STIM2: variants seen among roughly 807,000 people sequenced by gnomAD.
STIM2 encodes stromal interaction molecule 2.
A neutral mutation model predicts 85.8 loss-of-function variants in STIM2; 31 were observed. That is an observed-to-expected ratio of 0.36 (90% CI 0.27 to 0.49). The LOEUF is 0.49. Ranked by LOEUF, STIM2 falls within the 20% of genes least tolerant of loss-of-function variation. The pLI, the probability that STIM2 is intolerant of heterozygous loss-of-function variation, is 0.98. For synonymous variants in STIM2, 356 were observed against 331.1 expected (o/e 1.08, Z -0.82); for missense variants, 841 against 927.6 (o/e 0.91, Z 1.21).
intron 3 of STIM2, among the ~76,000 whole-genome samples, chr4:26,993,623 C>T (rs557157459): frequency 1.3e-5 from 2 of 152,204 alleles, no homozygotes; most frequent in Non-Finnish European, 2.9e-5. Context: ...CCCTTGATCT[C>T]TTCTGTAGTC....
chr4:26,999,260 A>G lies in STIM2; in HGVS notation c.538A>G (p.Ile180Val). 1 of 1,608,902 alleles carries G rather than the reference A, an allele frequency of 6.2e-7. No homozygotes were observed. The highest frequency in any genetic ancestry group is 8.5e-7 in the Non-Finnish European group (1 of 1,177,470). Residue 180 changes from isoleucine to valine, a missense_variant, in exon 5 of 12, where the codon ATC becomes GTC. Physicochemically the swap from Ile to Val is conservative, Grantham distance 29. Transcript: ENST00000467087. Reference sequence around the variant, plus strand: ...AGCAGTGCACGAACCTTCATTTATGATCTCCCAGTTGAAAATCAGTGACCG... The same window carrying G: ...AGCAGTGCACGAACCTTCATTTATGGTCTCCCAGTTGAAAATCAGTGACCG...
intron 1 of STIM2, among the ~76,000 whole-genome samples, chr4:26,911,120 C>T (rs987357600): frequency 2.0e-5 from 3 of 151,822 alleles, no homozygotes; most frequent in Non-Finnish European, 4.4e-5. Context: ...GCCTGTAGTC[C>T]CAGCTACTCA....
chr4:26,922,103 T>C (rs902051146), intron 2 of STIM2, among the ~76,000 whole-genome samples: 1 of 152,198 alleles, frequency 6.6e-6, no homozygotes, highest in Non-Finnish European at 1.5e-5. Flanking sequence ...AAGAGTTTTA[T>C]TGTTATTGGA....
intron 5 of STIM2, among the ~76,000 whole-genome samples, chr4:26,999,944 AT>A (rs148995664): frequency 2.0e-5 from 3 of 152,072 alleles, no homozygotes; most frequent in East Asian, 1.9e-4. Context: ...TGACAGGAAT[AT>A]TTTTTCCCCA....
At chr4:26,908,059 G>T (rs1330974716) in intron 1 of STIM2, among the ~76,000 whole-genome samples, 1 of 152,108 alleles carries the variant, frequency 6.6e-6, no homozygotes, top group Non-Finnish European at 1.5e-5. Flanking sequence ...GAAACATTAA[G>T]AACTTTCTAA....
At chr4:26,911,744 T>A (rs543345319) in intron 1 of STIM2, among the ~76,000 whole-genome samples, 8 of 152,370 alleles carry the variant, frequency 5.3e-5, no homozygotes, top group African/African-American at 1.9e-4. Flanking sequence ...TAAATATTAG[T>A]ATTTTTTGAA....
intron 3 of STIM2, among the ~76,000 whole-genome samples, chr4:26,989,442 G>A (rs1056300622): frequency 1.3e-5 from 2 of 152,082 alleles, no homozygotes; most frequent in African/African-American, 4.8e-5. Flanking sequence ...AACAAATTGG[G>A]TATATAAGGA....
rs534471745 is a variant in STIM2, at chr4:26,864,633, A to G, written c.151+3264A>G. Among the ~76,000 whole-genome samples the G allele has an allele frequency of 1.5e-3, 229 of 152,224 alleles. 1 individual carries two copies. The highest frequency in any genetic ancestry group is 5.2e-3 in the African/African-American group (215 of 41,568). On this transcript the variant is annotated intron_variant, in intron 1 of 11. Transcript: ENST00000467087. The stretch of plus-strand genomic sequence containing the variant: ...ATTAAAGTAACATTCTTTAGTGCCT[A>G]TGTGAAGGTTTTATCTTAACTGTAA...
At chr4:26,948,042 G>A (rs1725907428) in intron 2 of STIM2, among the ~76,000 whole-genome samples, 1 of 152,162 alleles carries the variant, frequency 6.6e-6, no homozygotes, top group Admixed American at 6.5e-5. Flanking sequence ...AAAGCAAAAA[G>A]GAAATGTATT....
chr4:26,875,024 G>T (rs1245756567), intron 1 of STIM2, among the ~76,000 whole-genome samples: 3 of 152,168 alleles, frequency 2.0e-5, no homozygotes, highest in African/African-American at 7.2e-5. Flanking sequence ...CTAGTTTGCA[G>T]ATTCCTTTAA....
intron 9 of STIM2, 80 bp downstream of exon 9, chr4:27,008,608 C>G: frequency 8.7e-7 from 1 of 1,143,468 alleles, no homozygotes; most frequent in Non-Finnish European, 1.2e-6. Context: ...TTATATTTAT[C>G]ATTTATATAA....
intron 1 of STIM2, among the ~76,000 whole-genome samples, chr4:26,916,758 C>G (rs957084994): frequency 2.2e-4 from 33 of 151,702 alleles, no homozygotes; most frequent in Admixed American, 6.6e-5. Context: ...TTTTATGTCA[C>G]TGAACGTATG....
rs758210883 is a variant in STIM2 at position 27,017,909 on chromosome 4, C to T, written c.1688C>T (p.Ser563Leu). ...CCTTCCCCTGATCCAGATATCCTCT[C>T]AGTGTCAAGTTGCCCTGCGCTTTAT... The change falls in exon 11 of 12, where the codon TCA (serine) becomes TTA (leucine). Residue 563 changes from serine to leucine, a missense_variant. Physicochemically the swap from Ser to Leu is moderately radical, Grantham distance 145. Transcript: ENST00000467087. The T allele has an allele frequency of 2.5e-6, 4 of 1,614,166 alleles. No homozygotes were observed. The highest frequency in any genetic ancestry group is 3.4e-6 in the Non-Finnish European group (4 of 1,180,046).
intron 1 of STIM2, among the ~76,000 whole-genome samples, chr4:26,893,360 G>A (rs1410012112): frequency 1.3e-5 from 2 of 151,996 alleles, no homozygotes; most frequent in Non-Finnish European, 2.9e-5. Context: ...ATTTGTGTAT[G>A]TTTACCTAGA....
chr4:26,950,011 G>T (rs577655178), intron 2 of STIM2, among the ~76,000 whole-genome samples: 1 of 152,110 alleles, frequency 6.6e-6, no homozygotes, highest in East Asian at 1.9e-4. Context: ...GTGCTTACAG[G>T]TACTCACTTA....
chr4:26,864,466 G>C (rs1389693334), intron 1 of STIM2, among the ~76,000 whole-genome samples: 1 of 151,884 alleles, frequency 6.6e-6, no homozygotes, highest in East Asian at 1.9e-4. Flanking sequence ...GGGTCCCTGA[G>C]AAATAGCTTA....
chr4:26,939,095 C>A (rs73116675), intron 2 of STIM2, among the ~76,000 whole-genome samples: 5,712 of 152,046 alleles, frequency 0.038, 250 homozygotes, highest in African/African-American at 0.11. Context: ...CTGCTTGTTC[C>A]CTGTATTTTG....
chr4:27,022,434 G>C (rs1221674998), intron 11 of STIM2, 85 bp from the exon 12 acceptor site: 27 of 1,115,028 alleles, frequency 2.4e-5, no homozygotes, highest in Non-Finnish European at 3.2e-5. Flanking sequence ...AAAAAGCAAT[G>C]AAAGTTGTTT....
chr4:27,003,642 A>C (rs1728234059), intron 7 of STIM2, among the ~76,000 whole-genome samples: 1 of 152,120 alleles, frequency 6.6e-6, no homozygotes, highest in South Asian at 2.1e-4. Context: ...GAATTTAATT[A>C]TAGACAGATG....
Sources: allele counts gnomAD v4.1 joint callset (sites outside exome capture counted in the v4.1 genomes callset), GRCh38; gene constraint gnomAD v4.1.1; transcripts MANE v1.5; gene names NCBI Gene and HGNC (gene_info 2026-07-23, HGNC 2026-07-21).